AOX1: variants seen among roughly 807,000 people sequenced by gnomAD.
The protein encoded by AOX1 is aldehyde oxidase.
AOX1 carries 153 observed loss-of-function variants against 169.5 expected under a neutral mutation model. The ratio of observed to expected loss-of-function variants is 0.90; its 90% confidence interval spans 0.79 to 1.03. The LOEUF (loss-of-function observed/expected upper bound fraction) is 1.03. Ranked by LOEUF, AOX1 falls within the 50% of genes least tolerant of loss-of-function variation. The probability of loss-of-function intolerance (pLI) is 0.00; values close to 1 mark genes in which losing one functional copy is unlikely to be tolerated. For missense variants in AOX1, 1,656 were observed against 1,663.9 expected (o/e 1.00, Z 0.08); for synonymous variants, 562 against 581.9 (o/e 0.97, Z 0.49).
chr2:200,651,343 T>C, intron 26 of AOX1, 142 bp downstream of exon 26: 1 of 700,354 alleles, frequency 1.4e-6, no homozygotes, highest in Middle Eastern at 4.0e-4. Flanking sequence ...GCCACCAAAG[T>C]CAAAGTAATT....
chr2:200,664,888 A>T (rs1414423253), intron 31 of AOX1, among the ~76,000 whole-genome samples: 1 of 152,190 alleles, frequency 6.6e-6, no homozygotes, highest in Non-Finnish European at 1.5e-5. Flanking sequence ...ACCACTTCTG[A>T]GGGGCTGGCC....
chr2:200,680,924 C>T (rs1351291502), downstream of AOX1, among the ~76,000 whole-genome samples: 1 of 152,110 alleles, frequency 6.6e-6, no homozygotes, highest in Non-Finnish European at 1.5e-5. Context: ...GTGAAGAAAA[C>T]GCCAGTTACC....
intron 23 of AOX1, among the ~76,000 whole-genome samples, chr2:200,639,691 T>C (rs1250756992): frequency 6.6e-6 from 1 of 152,068 alleles, no homozygotes; most frequent in Non-Finnish European, 1.5e-5. Context: ...GAGATGAATA[T>C]GAATTGGAAT....
chr2:200,656,888 C>A lies in AOX1; in HGVS notation c.3122C>A (p.Thr1041Asn). 1 of 1,584,310 alleles carries A rather than the reference C, an allele frequency of 6.3e-7. No individual in the cohort carries two copies. Among genetic ancestry groups the A allele is most frequent in the African/African-American group, 1.4e-5 (1 of 73,982 alleles). ...TATCTTGATGGCTCTGTGCTGGTCA[C>A]TCACGGTGGAATTGAAATGGGGCAG... ...HIYLDGSVLVTHGGIEMGQGV... is the reference protein window; with the variant it reads ...HIYLDGSVLVNHGGIEMGQGV... The change falls in exon 27 of 35, where the codon ACT becomes AAT. Residue 1041 changes from threonine (T) to asparagine (N), a missense_variant. Transcript: ENST00000374700.
chr2:200,611,167 G>A (rs1055997620), intron 12 of AOX1, among the ~76,000 whole-genome samples: 1 of 152,136 alleles, frequency 6.6e-6, no homozygotes, highest in Non-Finnish European at 1.5e-5. Flanking sequence ...TGTTTTTATC[G>A]ATGAGAAAGC....
chr2:200,595,230 G>T (rs1202223299), intron 2 of AOX1, 42 bp from the exon 3 acceptor site: 6 of 1,522,102 alleles, frequency 3.9e-6, no homozygotes, highest in Non-Finnish European at 5.4e-6. Context: ...TCTAGAAAGA[G>T]AATTACATAA....
intron 20 of AOX1, among the ~76,000 whole-genome samples, chr2:200,632,554 A>G (rs2035149495): frequency 6.6e-6 from 1 of 152,072 alleles, no homozygotes; most frequent in East Asian, 1.9e-4. Flanking sequence ...GAGGAGAAAG[A>G]AAGTCTATTG....
At chr2:200,629,816 C>T (rs2035078640) in intron 20 of AOX1, among the ~76,000 whole-genome samples, 1 of 152,138 alleles carries the variant, frequency 6.6e-6, no homozygotes, top group African/African-American at 2.4e-5. Context: ...TTTTCCTTGA[C>T]ATCTTCTTTA....
intron 26 of AOX1, among the ~76,000 whole-genome samples, chr2:200,654,890 C>T (rs999334531): frequency 6.6e-6 from 1 of 152,130 alleles, no homozygotes; most frequent in African/African-American, 2.4e-5. Context: ...CCAAATTTGA[C>T]ATTTTAAATG....
intron 1 of AOX1, among the ~76,000 whole-genome samples, chr2:200,590,303 G>T (rs950121344): frequency 2.0e-5 from 3 of 152,094 alleles, no homozygotes; most frequent in African/African-American, 7.2e-5. Context: ...TCCCAAAAGG[G>T]CTGGCAGTGA....
downstream of AOX1, chr2:200,678,605 AT>A (rs896660425): frequency 2.0e-5 from 3 of 152,200 alleles, no homozygotes; most frequent in Non-Finnish European, 4.4e-5. Flanking sequence ...AACTGACTCA[AT>A]CTATATAATC....
At chr2:200,601,147 T>C (rs1048790991) in intron 5 of AOX1, among the ~76,000 whole-genome samples, 4 of 149,926 alleles carry the variant, frequency 2.7e-5, no homozygotes, top group Non-Finnish European at 5.9e-5. Context: ...AAGTATAGCT[T>C]GCTATTTGCA....
At chr2:200,675,490 T>A (rs973265764), downstream of AOX1, among the ~76,000 whole-genome samples, 1 of 152,134 alleles carries the variant, frequency 6.6e-6, no homozygotes, top group Non-Finnish European at 1.5e-5. Context: ...GTGTACATGA[T>A]TTGTTATATT....
In AOX1 at chr2:200,608,039, A is replaced by G. The variant is rs532901215; in HGVS notation, c.908-945A>G. Among the ~76,000 whole-genome samples, 14 of 152,296 alleles carry G rather than the reference A, an allele frequency of 9.2e-5. No individual in the cohort carries two copies. In the South Asian group the frequency reaches 2.9e-3, roughly 32 times the overall value. ...GCATGCAAGGCTTAAAACCTAGATG[A>G]CAGGTTGATAGGTGCAGCAAACCAC... On this transcript the variant is annotated intron_variant, in intron 10 of 34. Coordinates refer to ENST00000374700, the MANE Select transcript of AOX1 (RefSeq NM_001159.4).
In AOX1 at chr2:200,656,917, G is replaced by C; in HGVS notation, c.3151G>C (p.Val1051Leu). The C allele has an allele frequency of 6.3e-7, 1 of 1,578,972 alleles. No individual in the cohort carries two copies. Among genetic ancestry groups the C allele is most frequent in the South Asian group, 1.2e-5 (1 of 83,890 alleles). ...THGGIEMGQG[V>L]HTKMIQVVSR... is the part of the protein sequence containing the mutation. ...CGGTGGAATTGAAATGGGGCAGGGG[G>C]TCCACACTAAAATGATTCAGGTAAG... is the stretch of plus-strand genomic sequence containing the variant. The change falls in exon 27 of 35, where the codon GTC (valine) becomes CTC (leucine). Residue 1051 changes from valine (V) to leucine (L), a missense_variant. Coordinates refer to ENST00000374700, the MANE Select transcript of AOX1 (RefSeq NM_001159.4).
At chr2:200,597,294 A>G (rs2034302634) in intron 3 of AOX1, 103 bp from the exon 4 acceptor site, 1 of 729,540 alleles carries the variant, frequency 1.4e-6, no homozygotes, top group Non-Finnish European at 2.2e-6. Flanking sequence ...TGGGTACATT[A>G]TACAAAAACC....
chr2:200,638,207 T>C lies in AOX1; in HGVS notation c.2481-8T>C. Reference sequence around the variant, plus strand: ...GAGGTTACCTCACTTACTTTTTTTCTGTTTTAGACATGGCCGTGCAGTTCG... The same window carrying C: ...GAGGTTACCTCACTTACTTTTTTTCCGTTTTAGACATGGCCGTGCAGTTCG... On this transcript the variant is annotated splice_polypyrimidine_tract_variant and splice_region_variant and intron_variant, in intron 22 of 34. Transcript: ENST00000374700. The C allele has an allele frequency of 6.2e-7, 1 of 1,613,034 alleles. No individual in the cohort carries two copies. Among genetic ancestry groups the C allele is most frequent in the Non-Finnish European group, 8.5e-7 (1 of 1,179,254 alleles).
chr2:200,669,587 T>A lies in AOX1; in HGVS notation c.3811T>A (p.Ser1271Thr). 1 of 1,613,198 alleles carries A rather than the reference T, an allele frequency of 6.2e-7. No homozygotes were observed. The highest frequency in any genetic ancestry group is 8.5e-7 in the Non-Finnish European group (1 of 1,179,866). Residue 1271 changes from serine (S) to threonine (T), a missense_variant, in exon 34 of 35, where the codon TCG becomes ACG. Ser to Thr is a moderately conservative substitution (Grantham distance 58). Coordinates refer to ENST00000374700, the MANE Select transcript of AOX1 (RefSeq NM_001159.4). ...GCTTCCTTTCAAGGGTCTGGGAGAG[T>A]CGGGGGTGTTCCTGGGGTGTTCCGT... ...TLYSSKGLGE[S>T]GVFLGCSVFF... is the part of the protein sequence containing the mutation.
rs2035842251 is a variant in AOX1, at chr2:200,662,258, CCACCTCCAGGTTGCAGGG to C, written c.3429-594_3429-577del. On this transcript the variant is annotated intron_variant, in intron 30 of 34. Coordinates refer to ENST00000374700, the MANE Select transcript of AOX1 (RefSeq NM_001159.4). ...CAGGCATTGGAAGCATTTTTAATGG[CCACCTCCAGGTTGCAGGG>C]CAGCAGAGGAGAGAGGGTAGAGAGT... 2.6e-5 allele frequency among the ~76,000 whole-genome samples: 4 copies of C among 152,264 alleles called. No individual in the cohort carries two copies. In the South Asian group the frequency reaches 8.3e-4, roughly 32 times the overall value.
Sources: allele counts gnomAD v4.1 joint callset (sites outside exome capture counted in the v4.1 genomes callset), GRCh38; gene constraint gnomAD v4.1.1; transcripts MANE v1.5; gene names NCBI Gene and HGNC (gene_info 2026-07-23, HGNC 2026-07-21).